Variants in RYR2 observed in about 807,000 individuals in gnomAD.
RYR2 encodes the protein cardiac muscle ryanodine receptor-calcium release channel.
RYR2 carries 227 observed loss-of-function variants against 601.1 expected under a neutral mutation model. The observed-to-expected ratio is 0.38, with a 90% confidence interval of 0.34 to 0.42. The LOEUF is 0.42. Ranked by LOEUF, RYR2 falls within the 10% of genes least tolerant of loss-of-function variation. The pLI, the probability that RYR2 is intolerant of heterozygous loss-of-function variation, is 1.00. For missense variants in RYR2, 4,646 were observed against 6,156.5 expected (o/e 0.75, Z 8.21); for synonymous variants, 2,223 against 2,175.1 (o/e 1.02, Z -0.61).
chr1:237,788,855 ATT>A (rs1180307900), intron 92 of RYR2, among the ~76,000 whole-genome samples: 1 of 152,096 alleles, frequency 6.6e-6, no homozygotes, highest in African/African-American at 2.4e-5. Context: ...TCTTAAAAAT[ATT>A]GTTTGAAAGG....
chr1:237,100,480 A>G (rs1667966180), intron 1 of RYR2, among the ~76,000 whole-genome samples: 1 of 151,406 alleles, frequency 6.6e-6, no homozygotes, highest in Non-Finnish European at 1.5e-5. Context: ...TCCACTTCCC[A>G]GATTCAAGTG....
At chr1:237,651,989 A>T (rs937094165) in intron 51 of RYR2, among the ~76,000 whole-genome samples, 3 of 152,170 alleles carry the variant, frequency 2.0e-5, no homozygotes, top group Non-Finnish European at 4.4e-5. Context: ...GTGAGCCGAG[A>T]TCGCACCACT....
intron 2 of RYR2, among the ~76,000 whole-genome samples, chr1:237,312,382 C>A (rs1694664997): frequency 6.6e-6 from 1 of 152,184 alleles, no homozygotes; most frequent in Non-Finnish European, 1.5e-5. Context: ...TTACTGTGGA[C>A]TGTCTTCTTG....
intron 84 of RYR2, among the ~76,000 whole-genome samples, chr1:237,761,699 T>C (rs918366038): frequency 6.6e-6 from 1 of 152,230 alleles, no homozygotes; most frequent in Non-Finnish European, 1.5e-5. Context: ...CCTTTCATTT[T>C]AGCAGTATTT....
chr1:237,734,499 ACT>A (rs1278288421), intron 79 of RYR2, among the ~76,000 whole-genome samples: 5 of 152,026 alleles, frequency 3.3e-5, no homozygotes, highest in African/African-American at 1.2e-4. Context: ...ATGTCAAGAA[ACT>A]CTTAGGAGTA....
intron 83 of RYR2, among the ~76,000 whole-genome samples, 188 bp downstream of exon 83, chr1:237,760,040 A>G (rs1693288748): frequency 6.6e-6 from 1 of 152,130 alleles, no homozygotes; most frequent in African/African-American, 2.4e-5. Context: ...ATAATTAATA[A>G]CTTACAGAAT....
chr1:237,572,091 T>G (rs193241592), intron 29 of RYR2, among the ~76,000 whole-genome samples: 39 of 152,314 alleles, frequency 2.6e-4, no homozygotes, highest in Admixed American at 7.8e-4. Context: ...TTTTGAACAC[T>G]TATCTCCGGG....
At chr1:237,340,019 G>T (rs1427839049) in intron 3 of RYR2, among the ~76,000 whole-genome samples, 1 of 152,124 alleles carries the variant, frequency 6.6e-6, no homozygotes, top group Non-Finnish European at 1.5e-5. Flanking sequence ...CTTTTATTGG[G>T]AGAAGGAAGA....
At chr1:237,488,334 A>G (rs1662925436) in intron 17 of RYR2, among the ~76,000 whole-genome samples, 2 of 152,216 alleles carry the variant, frequency 1.3e-5, no homozygotes, top group African/African-American at 4.8e-5. Flanking sequence ...TGGGAAGTCC[A>G]AGATCAAGGC....
intron 1 of RYR2, among the ~76,000 whole-genome samples, chr1:237,081,360 A>G (rs567050738): frequency 1.1e-4 from 16 of 151,002 alleles, no homozygotes; most frequent in African/African-American, 3.9e-4. Context: ...GCTTTGGTTC[A>G]GGATCCACAG....
intron 63 of RYR2, among the ~76,000 whole-genome samples, chr1:237,694,355 A>G (rs1191987102): frequency 1.3e-5 from 2 of 151,876 alleles, no homozygotes; most frequent in Non-Finnish European, 2.9e-5. Context: ...ATAGAAGCAT[A>G]TTTGAGGATT....
intron 44 of RYR2, among the ~76,000 whole-genome samples, chr1:237,635,442 G>A (rs549484548): frequency 4.6e-5 from 7 of 152,150 alleles, no homozygotes; most frequent in Non-Finnish European, 5.9e-5. Flanking sequence ...CATCTCATAT[G>A]TACATTTTAT....
chr1:237,400,781 T>C (rs1351729209), intron 10 of RYR2, among the ~76,000 whole-genome samples: 1 of 151,750 alleles, frequency 6.6e-6, no homozygotes, highest in Non-Finnish European at 1.5e-5. Flanking sequence ...GCAGTGAAGA[T>C]GTAGTATTGG....
intron 29 of RYR2, among the ~76,000 whole-genome samples, chr1:237,585,310 A>C (rs180735003): frequency 6.6e-6 from 1 of 152,178 alleles, no homozygotes; most frequent in Non-Finnish European, 1.5e-5. Flanking sequence ...TGGTTTCCTC[A>C]TGTGGAAAAT....
intron 1 of RYR2, among the ~76,000 whole-genome samples, chr1:237,145,179 C>G (rs1673864479): frequency 6.6e-6 from 1 of 151,346 alleles, no homozygotes; most frequent in Admixed American, 6.6e-5. Flanking sequence ...TGTAACAAAC[C>G]TGCACGTTTT....
At chr1:237,267,864 A>G (rs1358860876) in intron 1 of RYR2, among the ~76,000 whole-genome samples, 2 of 152,192 alleles carry the variant, frequency 1.3e-5, no homozygotes, top group East Asian at 1.9e-4. Flanking sequence ...TTAGTGATCA[A>G]TTTCTGGAAA....
intron 58 of RYR2, 40 bp downstream of exon 58, chr1:237,667,998 G>A: frequency 1.3e-6 from 2 of 1,485,406 alleles, no homozygotes; most frequent in Non-Finnish European, 1.8e-6. Flanking sequence ...AATAATCTGA[G>A]CTCAATTCCA....
chr1:237,075,366 C>T (rs58648144), intron 1 of RYR2, among the ~76,000 whole-genome samples: 7 of 143,520 alleles, frequency 4.9e-5, no homozygotes, highest in Admixed American at 4.2e-4. Context: ...CTGAGGTACC[C>T]GGTTCATCTC....
At chr1:237,569,042 T>G in intron 28 of RYR2, 103 bp from the exon 29 acceptor site, 1 of 945,246 alleles carries the variant, frequency 1.1e-6, no homozygotes, top group Non-Finnish European at 1.5e-6. Flanking sequence ...CTCCTACTGT[T>G]GTGTTGATAG....
Sources: allele counts gnomAD v4.1 joint callset (sites outside exome capture counted in the v4.1 genomes callset), GRCh38; gene constraint gnomAD v4.1.1; transcripts MANE v1.5; gene names NCBI Gene and HGNC (gene_info 2026-07-23, HGNC 2026-07-21).